The following SOX5 variants were observed in gnomAD, a reference collection of about 807,000 sequenced individuals.
SOX5 encodes the protein transcription factor SOX-5.
In SOX5, 9 loss-of-function variants were observed where a neutral mutation model predicts 92.0. The ratio of observed to expected loss-of-function variants is 0.10; its 90% confidence interval spans 0.06 to 0.17. SOX5 has a LOEUF of 0.17. SOX5 is among the 10% of genes least tolerant of loss of function. The pLI is 1.00. For missense variants in SOX5, 642 were observed against 944.5 expected (o/e 0.68, Z 4.20); for synonymous variants, 344 against 336.3 (o/e 1.02, Z -0.25).
intron 2 of SOX5, among the ~76,000 whole-genome samples, chr12:24,305,746 C>T (rs1490266305): frequency 3.3e-5 from 5 of 152,066 alleles, no homozygotes; most frequent in African/African-American, 7.2e-5. Flanking sequence ...TACAGGCACC[C>T]GCCGCCACGC....
At chr12:24,546,436 T>C (rs1952631397) in intron 1 of SOX5, among the ~76,000 whole-genome samples, 1 of 152,206 alleles carries the variant, frequency 6.6e-6, no homozygotes, top group Non-Finnish European at 1.5e-5. Flanking sequence ...ATCACCTTGA[T>C]CTGACTCCTG....
intron 9 of SOX5, among the ~76,000 whole-genome samples, chr12:23,584,927 A>G (rs1038180082): frequency 6.6e-5 from 10 of 152,096 alleles, no homozygotes; most frequent in Middle Eastern, 3.2e-3. Flanking sequence ...AAACAGTTTA[A>G]GACAATTTTC....
chr12:23,639,641 A>G (rs868515264), intron 8 of SOX5, among the ~76,000 whole-genome samples: 1 of 152,212 alleles, frequency 6.6e-6, no homozygotes, highest in African/African-American at 2.4e-5. Flanking sequence ...TTCCAGCTCA[A>G]AGAAAACAGA....
chr12:24,169,869 G>A (rs989180761), intron 4 of SOX5, among the ~76,000 whole-genome samples: 4 of 152,100 alleles, frequency 2.6e-5, no homozygotes, highest in Admixed American at 6.6e-5. Context: ...TGCCATCCTC[G>A]CCACCCCAAT....
intron 3 of SOX5, among the ~76,000 whole-genome samples, chr12:23,810,678 A>C (rs2095861280): frequency 6.6e-6 from 1 of 152,114 alleles, no homozygotes; most frequent in South Asian, 2.1e-4. Context: ...AGGTGGGGTT[A>C]GATTTTAGCA....
chr12:24,516,430 C>A (rs1236931228), intron 1 of SOX5, among the ~76,000 whole-genome samples: 4 of 152,036 alleles, frequency 2.6e-5, no homozygotes, highest in Non-Finnish European at 5.9e-5. Flanking sequence ...TTTTATTGCC[C>A]TCAACATAAA....
At chr12:24,340,237 C>T (rs926899360) in intron 2 of SOX5, among the ~76,000 whole-genome samples, 1 of 152,196 alleles carries the variant, frequency 6.6e-6, no homozygotes, top group Non-Finnish European at 1.5e-5. Flanking sequence ...AGTTATATCA[C>T]ACTCATTACT....
At chr12:23,725,619 CA>C (rs2093070293) in intron 6 of SOX5, among the ~76,000 whole-genome samples, 1 of 152,084 alleles carries the variant, frequency 6.6e-6, no homozygotes, top group Non-Finnish European at 1.5e-5. Context: ...CTCTGAAGAT[CA>C]GGAGAGAAAT....
intron 5 of SOX5, among the ~76,000 whole-genome samples, chr12:23,737,497 G>A (rs184650190): frequency 1.3e-5 from 2 of 152,056 alleles, no homozygotes; most frequent in African/African-American, 4.8e-5. Context: ...CCAAGATCAC[G>A]CCATTGCACT....
At chr12:24,368,567 G>A (rs982441829) in exon 2 of SOX5, 4 of 152,152 alleles carry the variant, frequency 2.6e-5, no homozygotes, top group African/African-American at 9.7e-5. Context: ...ACATACCCCA[G>A]TAGGTCGCTA....
intron 1 of SOX5, among the ~76,000 whole-genome samples, chr12:24,516,750 T>C (rs918036654): frequency 1.3e-5 from 2 of 152,254 alleles, no homozygotes; most frequent in Non-Finnish European, 2.9e-5. Context: ...TTATAATCTC[T>C]GTACATGGAA....
At chr12:23,808,016 C>A (rs1276727316) in intron 3 of SOX5, among the ~76,000 whole-genome samples, 2 of 151,986 alleles carry the variant, frequency 1.3e-5, no homozygotes, top group Admixed American at 6.6e-5. Context: ...GAAACTAGTA[C>A]AAAGAGCATA....
chr12:24,454,813 T>G (rs553511224), intron 1 of SOX5, among the ~76,000 whole-genome samples: 13 of 152,330 alleles, frequency 8.5e-5, no homozygotes, highest in Admixed American at 6.5e-4. Context: ...TGACATAGGT[T>G]AAAAGTCTGC....
intron 2 of SOX5, among the ~76,000 whole-genome samples, chr12:24,353,387 C>CT (rs932083633): frequency 2.0e-5 from 3 of 152,096 alleles, no homozygotes; most frequent in African/African-American, 7.2e-5. Context: ...GAACTACACA[C>CT]TTTTTTCAAG....
At chr12:23,970,380 CACTATCTGT>C (rs1461247199) in intron 4 of SOX5, among the ~76,000 whole-genome samples, 1 of 152,084 alleles carries the variant, frequency 6.6e-6, no homozygotes, top group Non-Finnish European at 1.5e-5. Context: ...CAACAACTAC[CACTATCTGT>C]TCTCGAAACT....
At chr12:24,024,537 A>G (rs1954662591) in intron 4 of SOX5, among the ~76,000 whole-genome samples, 1 of 152,062 alleles carries the variant, frequency 6.6e-6, no homozygotes, top group Non-Finnish European at 1.5e-5. Flanking sequence ...GAATTCAGAG[A>G]ATACGGGAAT....
upstream of SOX5, among the ~76,000 whole-genome samples, chr12:23,952,061 T>C (rs1206327245): frequency 6.6e-6 from 1 of 152,178 alleles, no homozygotes; most frequent in Non-Finnish European, 1.5e-5. Context: ...GTATAGTAGC[T>C]GCATAGCTAT....
chr12:24,201,876 A>T (rs1217000900), intron 4 of SOX5, among the ~76,000 whole-genome samples: 1 of 152,182 alleles, frequency 6.6e-6, no homozygotes, highest in Non-Finnish European at 1.5e-5. Context: ...CATCGATGGA[A>T]CTTAATGTAC....
intron 4 of SOX5, among the ~76,000 whole-genome samples, chr12:24,129,661 C>T (rs967515000): frequency 1.3e-5 from 2 of 152,092 alleles, no homozygotes; most frequent in Admixed American, 6.6e-5. Flanking sequence ...GATAATAAAT[C>T]GGAGCAGAGT....
Sources: gnomAD v4.1 joint callset for allele counts (sites outside exome capture counted in the v4.1 genomes callset) on GRCh38, gnomAD v4.1.1 for gene constraint, MANE v1.5 for transcripts, NCBI Gene and HGNC (gene_info 2026-07-23, HGNC 2026-07-21) for gene names.